ADGRF3: variants seen among roughly 807,000 people sequenced by gnomAD.
ADGRF3 encodes adhesion G protein-coupled receptor F3, also known as G protein-coupled receptor 113.
ADGRF3 carries 85 observed loss-of-function variants against 93.2 expected under a neutral mutation model. The observed-to-expected ratio is 0.91, with a 90% confidence interval of 0.77 to 1.09. The LOEUF (loss-of-function observed/expected upper bound fraction) is 1.09. ADGRF3 is among the 50% of genes least tolerant of loss of function. The pLI, the probability that ADGRF3 is intolerant of heterozygous loss-of-function variation, is 0.00. For missense variants in ADGRF3, 1,125 were observed against 1,246.2 expected (o/e 0.90, Z 1.46); for synonymous variants, 534 against 532.5 (o/e 1.00, Z -0.04).
intron 11 of ADGRF3, 24 bp downstream of exon 11, chr2:26,310,171 CA>C (rs749696340): frequency 6.2e-7 from 1 of 1,614,002 alleles, no homozygotes; most frequent in Admixed American, 1.7e-5. Context: ...GCAAGTGAGG[CA>C]GGGGGTTAGG....
intron 1 of ADGRF3, chr2:26,345,838 C>G (rs983720549): frequency 2.3e-6 from 1 of 437,192 alleles, no homozygotes; most frequent in Non-Finnish European, 4.1e-6. Context: ...GGGAGCAAAG[C>G]CCGCTGGGAA....
intron 1 of ADGRF3, among the ~76,000 whole-genome samples, chr2:26,338,187 C>T (rs963688456): frequency 6.6e-5 from 10 of 151,910 alleles, no homozygotes; most frequent in African/African-American, 1.7e-4. Context: ...ATTTAAAAAA[C>T]GGAGAAGAGA....
chr2:26,314,967 C>G (rs191335385), intron 5 of ADGRF3, among the ~76,000 whole-genome samples: 13 of 152,340 alleles, frequency 8.5e-5, no homozygotes, highest in African/African-American at 2.6e-4. Context: ...CCACATTCTC[C>G]ATATTTTGTG....
chr2:26,318,288 G>A (rs1470260333), intron 1 of ADGRF3, among the ~76,000 whole-genome samples: 1 of 152,178 alleles, frequency 6.6e-6, no homozygotes, highest in Non-Finnish European at 1.5e-5. Context: ...ATATAGATAC[G>A]AGTATGGATA....
In ADGRF3 at chr2:26,329,209, C is replaced by T. The variant is rs186258076; in HGVS notation, c.115-11647G>A. ...GGAGTGCAGTGGCACAATCATGGCT[C>T]ACTGCCGCCTTGACCTCGTGGGCTC... On this transcript the variant is annotated intron_variant, in intron 1 of 13. Coordinates refer to ENST00000651242, the MANE Select transcript of ADGRF3 (RefSeq NM_001321971.2). 2.2e-4 allele frequency among the ~76,000 whole-genome samples: 34 copies of T among 152,248 alleles called. 1 individual carries two copies. Among genetic ancestry groups the T allele is most frequent in the Admixed American group, 2.2e-3 (34 of 15,286 alleles).
Position 26,334,657 on chromosome 2 carries a change from C to T in ADGRF3, c.114+11464G>A, listed in dbSNP as rs1217205418. Among the ~76,000 whole-genome samples the T allele has an allele frequency of 1.3e-5, 2 of 152,264 alleles. 1 individual carries two copies. The highest frequency in any genetic ancestry group is 3.9e-4 in the East Asian group (2 of 5,190). ...ACATTGAGTCCCTTTGATCATCTCC[C>T]CGCCATTAAAACACAGGTTATCCTA... On this transcript the variant is annotated intron_variant, in intron 1 of 13. Coordinates refer to ENST00000651242, the MANE Select transcript of ADGRF3 (RefSeq NM_001321971.2).
At chr2:26,318,057 G>T (rs1483420953) in intron 1 of ADGRF3, 4 of 1,551,584 alleles carry the variant, frequency 2.6e-6, no homozygotes, top group South Asian at 1.2e-5. Context: ...GGCCCACATT[G>T]TCTGGCCCTT....
intron 1 of ADGRF3, among the ~76,000 whole-genome samples, chr2:26,343,653 C>T (rs1430263520): frequency 6.6e-6 from 1 of 152,170 alleles, no homozygotes; most frequent in African/African-American, 2.4e-5. Flanking sequence ...CCGTGTTAGC[C>T]AGGATGGTCT....
At chr2:26,338,194 G>A (rs985706773) in intron 1 of ADGRF3, among the ~76,000 whole-genome samples, 1 of 152,050 alleles carries the variant, frequency 6.6e-6, no homozygotes, top group African/African-American at 2.4e-5. Flanking sequence ...AAACGGAGAA[G>A]AGAGGTAGAC....
At position 26,314,438 on chromosome 2, in the gene ADGRF3, A is replaced by G; in HGVS notation, c.904T>C (p.Trp302Arg). 1 of 1,613,834 alleles carries G rather than the reference A, an allele frequency of 6.2e-7. No homozygotes were observed. Among genetic ancestry groups the G allele is most frequent in the South Asian group, 1.1e-5 (1 of 91,076 alleles). The change falls in exon 6 of 14, where the codon TGG (tryptophan) becomes CGG (arginine). Residue 302 changes from tryptophan (W) to arginine (R), a missense_variant. Physicochemically the swap from Trp to Arg is moderately radical, Grantham distance 101. Transcript: ENST00000651242. ...PSTNLAYTAA[W>R]SPGEGSKASS... ...CCTTTGCTGCCCTCTCCAGGGCTCC[A>G]GGCCGCGGTGTAGGCCAGGTTTGTG...
rs1163135613 is a variant in ADGRF3, at chr2:26,342,904, G to A, written c.114+3217C>T. Among the ~76,000 whole-genome samples, 5 of 152,226 alleles carry A rather than the reference G, an allele frequency of 3.3e-5. No homozygotes were observed. The East Asian group carries it at 9.6e-4, about 29-fold the overall frequency. On this transcript the variant is annotated intron_variant, in intron 1 of 13. Coordinates refer to ENST00000651242, the MANE Select transcript of ADGRF3 (RefSeq NM_001321971.2). Reference sequence around the variant, plus strand: ...TTTCTCTTCCCACGTGACCATGCCTGCCGGGTTTAGGATTCACAGAATTCT... The same window carrying A: ...TTTCTCTTCCCACGTGACCATGCCTACCGGGTTTAGGATTCACAGAATTCT...
At chr2:26,309,712 C>A in intron 12 of ADGRF3, 131 bp from the exon 13 acceptor site, 1 of 1,340,004 alleles carries the variant, frequency 7.5e-7, no homozygotes. Context: ...AGAAATTTTG[C>A]TCTCAGCTAC....
At chr2:26,337,915 CG>C (rs1388109401) in intron 1 of ADGRF3, among the ~76,000 whole-genome samples, 1 of 151,966 alleles carries the variant, frequency 6.6e-6, no homozygotes, top group Non-Finnish European at 1.5e-5. Context: ...CCCAGCTACT[CG>C]GGAGGCTGAG....
At chr2:26,323,266 A>G (rs1276448222) in intron 1 of ADGRF3, among the ~76,000 whole-genome samples, 3 of 152,168 alleles carry the variant, frequency 2.0e-5, no homozygotes, top group South Asian at 2.1e-4. Context: ...GTTCAGACCA[A>G]TGGGGACTTA....
chr2:26,321,093 A>T (rs1015427900), intron 1 of ADGRF3, among the ~76,000 whole-genome samples: 1 of 152,168 alleles, frequency 6.6e-6, no homozygotes, highest in Non-Finnish European at 1.5e-5. Flanking sequence ...TGATTTAAAC[A>T]CACACACAAA....
intron 1 of ADGRF3, among the ~76,000 whole-genome samples, chr2:26,337,348 CATT>C (rs1353965261): frequency 6.6e-6 from 1 of 152,206 alleles, no homozygotes; most frequent in Non-Finnish European, 1.5e-5. Context: ...CTCCCAGCTT[CATT>C]GAGATATGAT....
intron 1 of ADGRF3, chr2:26,340,586 T>C (rs1392252567): frequency 1.4e-4 from 21 of 152,212 alleles, no homozygotes; most frequent in Admixed American, 1.4e-3. Context: ...GAGATTAACA[T>C]TGCCAAACAA....
chr2:26,341,969 A>G (rs1676423038), intron 1 of ADGRF3, among the ~76,000 whole-genome samples: 1 of 151,734 alleles, frequency 6.6e-6, no homozygotes, highest in Admixed American at 6.6e-5. Flanking sequence ...GCTACTTGGG[A>G]GGCTGAGGCA....
chr2:26,319,975 G>A (rs930865019), intron 1 of ADGRF3, among the ~76,000 whole-genome samples: 5 of 152,104 alleles, frequency 3.3e-5, no homozygotes, highest in African/African-American at 4.8e-5. Context: ...TTTAAACTGC[G>A]GAAGGTTTTT....
Sources: gnomAD v4.1 joint callset for allele counts (sites outside exome capture counted in the v4.1 genomes callset) on GRCh38, gnomAD v4.1.1 for gene constraint, MANE v1.5 for transcripts, NCBI Gene and HGNC (gene_info 2026-07-23, HGNC 2026-07-21) for gene names.